HMCN1: variants seen among roughly 807,000 people sequenced by gnomAD.
The protein encoded by HMCN1 is hemicentin 1.
HMCN1 carries 321 observed loss-of-function variants against 625.9 expected under a neutral mutation model. The ratio of observed to expected loss-of-function variants is 0.51; its 90% CI spans 0.47 to 0.56. The LOEUF is 0.56. Among genes scored for constraint, HMCN1 ranks in the 20% least tolerant of loss-of-function variants. The pLI is 0.00. For missense variants in HMCN1, 6,588 were observed against 6,887.3 expected (o/e 0.96, Z 1.54); for synonymous variants, 2,425 against 2,417.6 (o/e 1.00, Z -0.09).
intron 15 of HMCN1, among the ~76,000 whole-genome samples, chr1:185,973,678 T>C (rs1650992400): frequency 6.6e-6 from 1 of 152,020 alleles, no homozygotes; most frequent in Non-Finnish European, 1.5e-5. Context: ...CTTATTATCA[T>C]GGTTTTAAAT....
intron 11 of HMCN1, among the ~76,000 whole-genome samples, chr1:185,942,802 C>A (rs193266864): frequency 6.6e-6 from 1 of 152,250 alleles, no homozygotes; most frequent in East Asian, 1.9e-4. Flanking sequence ...CAAACACAAG[C>A]CCTGGGCTTC....
intron 1 of HMCN1, among the ~76,000 whole-genome samples, chr1:185,760,303 C>G (rs1452308264): frequency 6.6e-6 from 1 of 152,028 alleles, no homozygotes; most frequent in Non-Finnish European, 1.5e-5. Flanking sequence ...ACAGCTGACC[C>G]AAGTCAAAAA....
chr1:186,090,172 C>T (rs1001588581), intron 63 of HMCN1, among the ~76,000 whole-genome samples: 9 of 88,964 alleles, frequency 1.0e-4, no homozygotes, highest in African/African-American at 1.9e-4. Flanking sequence ...ATTTTTATTA[C>T]GCAATATTTC....
chr1:185,798,001 T>A (rs746112364), intron 1 of HMCN1, among the ~76,000 whole-genome samples: 669 of 132,568 alleles, frequency 5.0e-3, no homozygotes, highest in African/African-American at 0.021. Flanking sequence ...AAAAAAGACT[T>A]GTTTTATACT....
intron 11 of HMCN1, among the ~76,000 whole-genome samples, chr1:185,938,105 A>C (rs926015236): frequency 6.6e-6 from 1 of 152,014 alleles, no homozygotes; most frequent in Non-Finnish European, 1.5e-5. Context: ...CAGTTGAATA[A>C]TATGATTTTT....
chr1:186,116,788 A>G (rs573422422), intron 75 of HMCN1, among the ~76,000 whole-genome samples: 3 of 152,310 alleles, frequency 2.0e-5, no homozygotes, highest in South Asian at 2.1e-4. Context: ...TGTAAATATT[A>G]TATCAAGTTT....
intron 104 of HMCN1, among the ~76,000 whole-genome samples, chr1:186,181,098 G>A (rs1189989760): frequency 6.6e-6 from 1 of 152,062 alleles, no homozygotes; most frequent in East Asian, 1.9e-4. Flanking sequence ...ATTCATGCTT[G>A]GGAAAGCTCT....
Position 186,053,956 on chromosome 1 carries a change from G to T in HMCN1, c.6832G>T (p.Ala2278Ser). The T allele has an allele frequency of 1.2e-6, 2 of 1,612,618 alleles. No homozygotes were observed. Among genetic ancestry groups the T allele is most frequent in the South Asian group, 2.2e-5 (2 of 91,070 alleles). ...SCVASNVAGT[A>S]KKEYNLQVYI... is the part of the protein sequence containing the mutation. Reference sequence around the variant, plus strand: ...TGTGGCGTCGAATGTTGCTGGGACTGCAAAGAAAGAATACAATCTGCAAGT... The same window carrying T: ...TGTGGCGTCGAATGTTGCTGGGACTTCAAAGAAAGAATACAATCTGCAAGT... The change falls in exon 44 of 107, where the codon GCA becomes TCA. Residue 2278 changes from alanine to serine, a missense_variant. This residue lies in a region of HMCN1 where 4,628 missense variants were observed against 4,853.1 expected (regional missense o/e 0.95). Transcript: ENST00000271588.
chr1:185,751,543 A>G (rs1175715533), intron 1 of HMCN1, among the ~76,000 whole-genome samples: 1 of 152,066 alleles, frequency 6.6e-6, no homozygotes, highest in Non-Finnish European at 1.5e-5. Context: ...AAGGACTCAG[A>G]TTTTTATTAA....
At chr1:185,871,619 C>A (rs187596762) in intron 4 of HMCN1, among the ~76,000 whole-genome samples, 4 of 151,982 alleles carry the variant, frequency 2.6e-5, no homozygotes. Context: ...TAAACTGAAC[C>A]CAGGAAAATA....
At chr1:185,970,198 T>G in intron 14 of HMCN1, 137 bp from the exon 15 acceptor site, 1 of 792,896 alleles carries the variant, frequency 1.3e-6, no homozygotes, top group African/African-American at 1.7e-5. Context: ...CTGTAGAAAG[T>G]GTCTATGTTG....
intron 69 of HMCN1, among the ~76,000 whole-genome samples, chr1:186,104,802 CCATTT>C (rs1660537828): frequency 6.6e-6 from 1 of 152,112 alleles, no homozygotes; most frequent in African/African-American, 2.4e-5. Flanking sequence ...TTTTTTCTCT[CCATTT>C]CAAACATTAC....
At chr1:185,861,503 TA>T (rs1288831937) in intron 2 of HMCN1, among the ~76,000 whole-genome samples, 1 of 152,200 alleles carries the variant, frequency 6.6e-6, no homozygotes, top group Non-Finnish European at 1.5e-5. Context: ...TGTTTTTCTC[TA>T]AGCTTCTGAA....
chr1:185,967,525 A>G (rs938413653), intron 14 of HMCN1, among the ~76,000 whole-genome samples: 16 of 152,160 alleles, frequency 1.1e-4, no homozygotes, highest in African/African-American at 3.6e-4. Flanking sequence ...GGGTTCATCA[A>G]TAATAGGCAG....
At chr1:186,171,912 T>C in intron 101 of HMCN1, 94 bp from the exon 102 acceptor site, 1 of 1,131,946 alleles carries the variant, frequency 8.8e-7, no homozygotes. Flanking sequence ...AATGTATATA[T>C]AAATAATATC....
intron 11 of HMCN1, among the ~76,000 whole-genome samples, chr1:185,955,317 C>G (rs1207644243): frequency 6.6e-6 from 1 of 152,188 alleles, no homozygotes; most frequent in African/African-American, 2.4e-5. Context: ...CACAAACTAA[C>G]TCCTACACAA....
At chr1:185,735,876 G>A (rs1292281577) in intron 1 of HMCN1, among the ~76,000 whole-genome samples, 2 of 152,174 alleles carry the variant, frequency 1.3e-5, no homozygotes, top group Non-Finnish European at 2.9e-5. Context: ...GGGAAACCCT[G>A]GGGCTGGCAG....
At chr1:185,760,713 G>T (rs990457584) in intron 1 of HMCN1, among the ~76,000 whole-genome samples, 1 of 151,984 alleles carries the variant, frequency 6.6e-6, no homozygotes, top group Admixed American at 6.6e-5. Flanking sequence ...TATAGAATGT[G>T]GAAAATCCAG....
rs144673081 is a variant in HMCN1, at chr1:186,094,507, C to T, written c.10294+134C>T. On this transcript the variant is annotated intron_variant, in intron 67 of 106. Transcript: ENST00000271588. ...AAAGGATTAGTGAAATAGGATCTTA[C>T]TGACTAGAGAATGTATTTTCTTCCA... 9.6e-4 allele frequency: 694 copies of T among 719,852 alleles called. 1 individual carries two copies. Among genetic ancestry groups the T allele is most frequent in the Admixed American group, 1.4e-3 (68 of 49,562 alleles). The allele number at this position is 719,852 out of a possible 1,614,324, so 44.6% of individuals were successfully genotyped here.
Sources: gnomAD v4.1 joint callset for allele counts (sites outside exome capture counted in the v4.1 genomes callset) on GRCh38, gnomAD v4.1.1 for gene constraint, gnomAD v4.1.1 regional missense constraint, MANE v1.5 for transcripts, NCBI Gene and HGNC (gene_info 2026-07-23, HGNC 2026-07-21) for gene names.